The following FUT2 variants were observed in gnomAD, a reference collection of about 807,000 sequenced individuals.
FUT2 encodes galactoside alpha-(1,2)-fucosyltransferase 2.
For synonymous variants in FUT2, 182 were observed against 193.1 expected, an observed-to-expected ratio of 0.94 and a Z score of 0.48; for missense variants, 419 against 465.8, an observed-to-expected ratio of 0.90 and a Z score of 0.93.
chr19:48,699,473 C>T (rs1269355640), intron 1 of FUT2, among the ~76,000 whole-genome samples: 1 of 152,102 alleles, frequency 6.6e-6, no homozygotes, highest in African/African-American at 2.4e-5. Context: ...TCTGGCATTA[C>T]AGGCGTGAGC....
Position 48,703,107 on chromosome 19 carries a change from A to G in FUT2, c.151A>G (p.Thr51Ala). The change falls in exon 2 of 2, where the codon ACA becomes GCA. Residue 51 changes from threonine (T) to alanine (A), a missense_variant. By Grantham distance (58) the Thr-to-Ala change is moderately conservative. Coordinates refer to ENST00000425340, the MANE Select transcript of FUT2 (RefSeq NM_000511.6). ...LPVQIPVLAS[T>A]SKALGPSQLR... ...GGTGCAGATACCAGTGCTAGCCTCA[A>G]CATCAAAGGCACTGGGACCCAGCCA... is the stretch of plus-strand genomic sequence containing the variant. 1.2e-6 allele frequency: 2 copies of G among 1,613,496 alleles called. No homozygotes were observed. The highest frequency in any genetic ancestry group is 8.5e-7 in the Non-Finnish European group (1 of 1,180,026).
In FUT2 at chr19:48,703,528, G is replaced by A. The variant is rs571045256; in HGVS notation, c.572G>A (p.Arg191Gln). 5.1e-5 allele frequency: 83 copies of A among 1,613,196 alleles called. No homozygotes were observed. The East Asian group carries it at 9.1e-4, about 18-fold the overall frequency. Residue 191 changes from arginine to glutamine, a missense_variant, in exon 2 of 2, where the codon CGG becomes CAG. Arg to Gln is a conservative substitution (Grantham distance 43, BLOSUM62 1). Transcript: ENST00000425340. ...FLRGLQVNGS[R>Q]PGTFVGVHVR... ...CGGGGCCTGCAGGTGAACGGGAGCCGGCCGGGCACCTTTGTAGGGGTCCAT... is the reference window on the plus strand; with the variant it reads ...CGGGGCCTGCAGGTGAACGGGAGCCAGCCGGGCACCTTTGTAGGGGTCCAT...
intron 1 of FUT2, among the ~76,000 whole-genome samples, chr19:48,696,849 G>C (rs1483080678): frequency 1.3e-5 from 2 of 152,112 alleles, no homozygotes; most frequent in Non-Finnish European, 2.9e-5. Flanking sequence ...GGACAGGACG[G>C]GGCCCCGGGT....
Position 48,704,431 on chromosome 19 carries a change from AAAAAAAAAAAG to A in FUT2, c.*448_*458del, listed in dbSNP as rs1261765358. 4,654 of 128,230 alleles carry A rather than the reference AAAAAAAAAAAG, an allele frequency of 0.036. 29 individuals carry two copies. Among genetic ancestry groups the A allele is most frequent in the Middle Eastern group, 0.088 (23 of 262 alleles). 7.9% of individuals were successfully genotyped at this position (128,230 alleles called of 1,614,324 possible). A position where few individuals can be genotyped will look rare whatever the true frequency, so the allele number is the denominator to read the frequency against. On this transcript the variant is annotated 3_prime_UTR_variant, in exon 2 of 2. Transcript: ENST00000425340. ...AGCAAGACTCCATCTCAAAAAAAAA[AAAAAAAAAAAG>A]AAAAGAAAAAGAAATGAATGGGTTC... is the stretch of plus-strand genomic sequence containing the variant.
chr19:48,703,503 C>A lies in FUT2; in HGVS notation c.547C>A (p.Arg183=), dbSNP rs755100369. 6.2e-7 allele frequency: 1 copy of A among 1,613,008 alleles called. No homozygotes were observed. ...GCGGGAGGAGGCCCAGAAGTTCCTG[C>A]GGGGCCTGCAGGTGAACGGGAGCCG... ...HVREEAQKFL[R]GLQVNGSRPG... Residue 183 remains arginine (R), a synonymous_variant, in exon 2 of 2, where the codon CGG becomes AGG. Coordinates refer to ENST00000425340, the MANE Select transcript of FUT2 (RefSeq NM_000511.6).
chr19:48,704,442 GAAAA>G lies in FUT2; in HGVS notation c.*455_*458del. On this transcript the variant is annotated 3_prime_UTR_variant, in exon 2 of 2. Transcript: ENST00000425340. ...ATCTCAAAAAAAAAAAAAAAAAAAA[GAAAA>G]GAAAAAGAAATGAATGGGTTCAAAG... 9.5e-6 allele frequency: 1 copy of G among 105,206 alleles called. No individual in the cohort carries two copies. The highest frequency in any genetic ancestry group is 2.6e-5 in the Non-Finnish European group (1 of 37,854). 6.5% of individuals were successfully genotyped at this position (105,206 alleles called of 1,614,324 possible). A position where few individuals can be genotyped will look rare whatever the true frequency, so the allele number is the denominator to read the frequency against.
rs140411756 is a variant in FUT2 at position 48,704,421 on chromosome 19, C to CAAAAAAAAAAAAAAAA, written c.*438_*453dup. On this transcript the variant is annotated 3_prime_UTR_variant, in exon 2 of 2. Coordinates refer to ENST00000425340, the MANE Select transcript of FUT2 (RefSeq NM_000511.6). Reference sequence around the variant, plus strand: ...TGGGTGACACAGCAAGACTCCATCTCAAAAAAAAAAAAAAAAAAAAGAAAA... The same window carrying CAAAAAAAAAAAAAAAA: ...TGGGTGACACAGCAAGACTCCATCTCAAAAAAAAAAAAAAAAAAAAAAAAAAAAAAAAAAAAGAAAA... 4.6e-5 allele frequency: 5 copies of CAAAAAAAAAAAAAAAA among 109,266 alleles called. No homozygotes were observed. The highest frequency in any genetic ancestry group is 5.4e-4 in the South Asian group (1 of 1,840). 6.8% of individuals were successfully genotyped at this position (109,266 alleles called of 1,614,324 possible).
intron 1 of FUT2, among the ~76,000 whole-genome samples, chr19:48,702,050 C>G (rs143303440): frequency 1.7e-3 from 264 of 152,112 alleles, no homozygotes; most frequent in Non-Finnish European, 1.9e-3. Context: ...TATACTTGTA[C>G]TCACCATATG....
chr19:48,697,282 T>C (rs1601232719), intron 1 of FUT2, among the ~76,000 whole-genome samples: 1 of 145,302 alleles, frequency 6.9e-6, no homozygotes, highest in Non-Finnish European at 1.5e-5. Flanking sequence ...GAGGCGGAGG[T>C]TGTGGTGAGC....
At chr19:48,702,466 G>GTA (rs1239134250) in intron 1 of FUT2, among the ~76,000 whole-genome samples, 3 of 151,828 alleles carry the variant, frequency 2.0e-5, no homozygotes, top group East Asian at 1.9e-4. Context: ...TACACAAAGT[G>GTA]TATATATATA....
chr19:48,702,748 C>T (rs28362834), intron 1 of FUT2, among the ~76,000 whole-genome samples: 1 of 151,992 alleles, frequency 6.6e-6, no homozygotes, highest in East Asian at 1.9e-4. Flanking sequence ...ACACACCCAC[C>T]TATGAACACA....
At chr19:48,700,545 A>C (rs998316858) in intron 1 of FUT2, among the ~76,000 whole-genome samples, 8 of 151,890 alleles carry the variant, frequency 5.3e-5, no homozygotes, top group Non-Finnish European at 1.0e-4. Flanking sequence ...GTTAGCCAGG[A>C]TGGTCTCGAT....
intron 1 of FUT2, among the ~76,000 whole-genome samples, chr19:48,697,314 C>T (rs1469230600): frequency 7.4e-6 from 1 of 134,514 alleles, no homozygotes; most frequent in East Asian, 2.2e-4. Context: ...CATTGCACTC[C>T]AGCCTGGGGA....
rs200157007 is a variant in FUT2 at position 48,703,291 on chromosome 19, C to T, written c.335C>T (p.Pro112Leu). 8.2e-3 allele frequency: 13,185 copies of T among 1,612,994 alleles called. 1,458 individuals carry two copies. In the South Asian group the frequency reaches 0.14, roughly 17 times the overall value. ...GCCCCCATCTTCAGAATCACCCTGC[C>T]GGTGCTGCACAGCGCCACGGCCAGC... ...TLAPIFRITL[P>L]VLHSATASRI... is the part of the protein sequence containing the mutation. The change falls in exon 2 of 2, where the codon CCG (proline) becomes CTG (leucine). Residue 112 changes from proline to leucine, a missense_variant. Physicochemically the swap from Pro to Leu is moderately conservative, Grantham distance 98. Coordinates refer to ENST00000425340, the MANE Select transcript of FUT2 (RefSeq NM_000511.6).
chr19:48,697,310 A>T (rs536142415), intron 1 of FUT2, among the ~76,000 whole-genome samples: 1 of 137,892 alleles, frequency 7.3e-6, no homozygotes, highest in Admixed American at 8.4e-5. Flanking sequence ...GTGCCATTGC[A>T]CTCCAGCCTG....
Position 48,705,040 on chromosome 19 carries a change from A to C in FUT2, c.*1052A>C. On this transcript the variant is annotated 3_prime_UTR_variant, in exon 2 of 2. Coordinates refer to ENST00000425340, the MANE Select transcript of FUT2 (RefSeq NM_000511.6). Reference sequence around the variant, plus strand: ...TGGGGTTTAAACAGACCCACAGTCTACTCATCAAACCAGGTGTCCTTGGCA... The same window carrying C: ...TGGGGTTTAAACAGACCCACAGTCTCCTCATCAAACCAGGTGTCCTTGGCA... 1 of 403,930 alleles carries C rather than the reference A, an allele frequency of 2.5e-6. No individual in the cohort carries two copies. The highest frequency in any genetic ancestry group is 1.5e-4 in the South Asian group (1 of 6,678). 25.0% of individuals were successfully genotyped at this position (403,930 alleles called of 1,614,324 possible).
chr19:48,697,214 G>A (rs1283130157), intron 1 of FUT2, among the ~76,000 whole-genome samples: 4 of 151,748 alleles, frequency 2.6e-5, no homozygotes, highest in South Asian at 2.1e-4. Flanking sequence ...GCGTGGTGGT[G>A]CATGCCTGTA....
Position 48,705,111 on chromosome 19 carries a change from C to A in FUT2, c.*1123C>A. 1.5e-5 allele frequency: 2 copies of A among 136,096 alleles called. No individual in the cohort carries two copies. The highest frequency in any genetic ancestry group is 3.0e-5 in the Non-Finnish European group (2 of 67,750). 8.4% of individuals were successfully genotyped at this position (136,096 alleles called of 1,614,324 possible). A position where few individuals can be genotyped will look rare whatever the true frequency, so the allele number is the denominator to read the frequency against. On this transcript the variant is annotated 3_prime_UTR_variant, in exon 2 of 2. Transcript: ENST00000425340. Reference sequence around the variant, plus strand: ...CACTGTTTTCTTTTCTTTTTCTTTTCTTTTTTTTTTTTTTTTTGAGATGGA... The same window carrying A: ...CACTGTTTTCTTTTCTTTTTCTTTTATTTTTTTTTTTTTTTTTGAGATGGA...
Position 48,703,608 on chromosome 19 carries a change from G to A in FUT2, c.652G>A (p.Ala218Thr). ...GCCAAAAGTGTGGAAGGGGGTGGTGGCCGACCGGCGATACCTACAGCAGGC... is the reference window on the plus strand; with the variant it reads ...GCCAAAAGTGTGGAAGGGGGTGGTGACCGACCGGCGATACCTACAGCAGGC... ...VMPKVWKGVVADRRYLQQALD... is the reference protein window; with the variant it reads ...VMPKVWKGVVTDRRYLQQALD... The change falls in exon 2 of 2, where the codon GCC becomes ACC. Residue 218 changes from alanine (A) to threonine (T), a missense_variant. By Grantham distance (58) the Ala-to-Thr change is moderately conservative. Transcript: ENST00000425340. 1 of 1,613,480 alleles carries A rather than the reference G, an allele frequency of 6.2e-7. No individual in the cohort carries two copies. Among genetic ancestry groups the A allele is most frequent in the Non-Finnish European group, 8.5e-7 (1 of 1,180,022 alleles).
Sources: gnomAD v4.1 joint callset for allele counts (sites outside exome capture counted in the v4.1 genomes callset) on GRCh38, gnomAD v4.1.1 for gene constraint, MANE v1.5 for transcripts, NCBI Gene and HGNC (gene_info 2026-07-23, HGNC 2026-07-21) for gene names.